The following FASN variants were observed in gnomAD, a reference collection of about 807,000 sequenced individuals.
FASN encodes 3-hydroxyacyl-[acyl-carrier-protein] dehydratase.
A neutral mutation model predicts 250.0 loss-of-function variants in FASN; 50 were observed. The ratio of observed to expected loss-of-function variants is 0.20; its 90% CI spans 0.16 to 0.25. The LOEUF is 0.25. Ranked by LOEUF, FASN falls within the 10% of genes least tolerant of loss-of-function variation. The probability of loss-of-function intolerance (pLI) is 1.00; values close to 1 mark genes in which losing one functional copy is unlikely to be tolerated. For synonymous variants in FASN, 1,909 were observed against 1,584.0 expected (o/e 1.21, Z -4.87); for missense variants, 3,031 against 3,498.5 (o/e 0.87, Z 3.37).
rs370854247 is a variant in FASN, at chr17:82,088,445, G to A, written c.2538C>T (p.Ala846=). The A allele has an allele frequency of 2.0e-5, 32 of 1,611,842 alleles. No individual in the cohort carries two copies. The highest frequency in any genetic ancestry group is 6.7e-5 in the African/African-American group (5 of 75,032). The change falls in exon 16 of 43, where the codon GCC becomes GCT. Residue 846 remains alanine (A), a synonymous_variant. Transcript: ENST00000306749. ...CTGAACCGTTGGGGAAGTCCTCGGC[G>A]GCCGGCACGTCCCAGGCCAGGCTGT... ...WDHSLAWDVP[A]AEDFPNGSGS...
rs1331283179 is a variant in FASN at position 82,085,549 on chromosome 17, G to T, written c.4055C>A (p.Pro1352His). Residue 1352 changes from proline (P) to histidine (H), a missense_variant, in exon 23 of 43, where the codon CCC (proline) becomes CAC (histidine). Pro to His is a moderately conservative substitution (Grantham distance 77). Transcript: ENST00000306749. Reference sequence around the variant, plus strand: ...GAGGAAGGCCACGATGTCCCCGAGGGGGTGCCCCCGGAGCAGTGTGTGCAG... The same window carrying T: ...GAGGAAGGCCACGATGTCCCCGAGGTGGTGCCCCCGGAGCAGTGTGTGCAG... ...LLLHTLLRGH[P>H]LGDIVAFLTS... is the part of the protein sequence containing the mutation. 2 of 1,595,034 alleles carry T rather than the reference G, an allele frequency of 1.3e-6. No individual in the cohort carries two copies.
chr17:82,085,553 GC>G lies in FASN; in HGVS notation c.4050del (p.His1351ThrfsTer22). On this transcript the variant is annotated frameshift_variant, in exon 23 of 43. Transcript: ENST00000306749. LOFTEE classifies it high-confidence loss of function. ...AAGGCCACGATGTCCCCGAGGGGGTGCCCCCGGAGCAGTGTGTGCAGGAGCA... is the reference window on the plus strand; with the variant it reads ...AAGGCCACGATGTCCCCGAGGGGGTGCCCCGGAGCAGTGTGTGCAGGAGCA... ...GFLLLHTLLRGHPLGDIVAFL... is the reference protein window; with the variant it reads ...GFLLLHTLLRXHPLGDIVAFL... 1.9e-6 allele frequency: 3 copies of G among 1,594,924 alleles called. No individual in the cohort carries two copies. Among genetic ancestry groups the G allele is most frequent in the African/African-American group, 1.3e-5 (1 of 74,690 alleles).
At chr17:82,097,548 G>A (rs2034325784) in intron 1 of FASN, 1 of 152,290 alleles carries the variant, frequency 6.6e-6, no homozygotes, top group Non-Finnish European at 1.5e-5. Context: ...CGCACGCTGG[G>A]TCCTCGCCGC....
chr17:82,090,696 G>A lies in FASN; in HGVS notation c.1681-132C>T, dbSNP rs541930768. 11 of 1,040,348 alleles carry A rather than the reference G, an allele frequency of 1.1e-5. No homozygotes were observed. The East Asian group carries it at 2.3e-4, about 22-fold the overall frequency. The allele number at this position is 1,040,348 out of a possible 1,614,324, so 64.4% of individuals were successfully genotyped here. The stretch of plus-strand genomic sequence containing the variant: ...TCCCAGGTCTCCTGATAGGAAAGAA[G>A]CCCCTATGGCCCCCACACAGCCCCA... On this transcript the variant is annotated intron_variant, in intron 10 of 42. Coordinates refer to ENST00000306749, the MANE Select transcript of FASN (RefSeq NM_004104.5).
In FASN at chr17:82,079,251, G is replaced by T; in HGVS notation, c.7428C>A (p.Val2476=). The T allele has an allele frequency of 6.2e-7, 1 of 1,613,034 alleles. No individual in the cohort carries two copies. The highest frequency in any genetic ancestry group is 8.5e-7 in the Non-Finnish European group (1 of 1,179,970). The change falls in exon 43 of 43, where the codon GTC becomes GTA. Residue 2476 remains valine, a synonymous_variant. Transcript: ENST00000306749. ...GCAGCGTGCGGTGGTCACCCTCGAT[G>T]ACGTGGACGGATACTTTCCCGTCGC... ...QVCDGKVSVH[V]IEGDHRTLLE... is the part of the protein sequence containing the mutation.
chr17:82,079,910 G>A (rs566355283), intron 41 of FASN: 28 of 631,902 alleles, frequency 4.4e-5, no homozygotes, highest in South Asian at 4.2e-4. Context: ...GTTTCTCCAC[G>A]TTGGTCAGGC....
rs76966965 is a variant in FASN, at chr17:82,081,851, G to A, written c.6164-8C>T. The A allele has an allele frequency of 2.5e-6, 4 of 1,599,088 alleles. No homozygotes were observed. The highest frequency in any genetic ancestry group is 2.7e-5 in the African/African-American group (2 of 74,348). On this transcript the variant is annotated splice_region_variant and splice_polypyrimidine_tract_variant and intron_variant, in intron 36 of 42. Coordinates refer to ENST00000306749, the MANE Select transcript of FASN (RefSeq NM_004104.5). ...CCCACTGCACGGCCAGGCCTGTGGG[G>A]GAGGGGGCAGGTGGGCAGAGCTGCG... is the stretch of plus-strand genomic sequence containing the variant.
rs769625774 is a variant in FASN, at chr17:82,088,509, C to T, written c.2474G>A (p.Arg825Gln). The change falls in exon 16 of 43, where the codon CGA (arginine) becomes CAA (glutamine). Residue 825 changes from arginine to glutamine, a missense_variant. Coordinates refer to ENST00000306749, the MANE Select transcript of FASN (RefSeq NM_004104.5). ...LFPPVEFPAP[R>Q]GTPLISPLIK... Reference sequence around the variant, plus strand: ...GAGTGGGGAGATGAGGGGAGTTCCTCGGGGAGCTGGGAACTCCACAGGTGG... The same window carrying T: ...GAGTGGGGAGATGAGGGGAGTTCCTTGGGGAGCTGGGAACTCCACAGGTGG... The T allele has an allele frequency of 3.1e-6, 5 of 1,608,106 alleles. No homozygotes were observed. The highest frequency in any genetic ancestry group is 1.3e-5 in the African/African-American group (1 of 74,798).
At position 82,092,700 on chromosome 17, in the gene FASN, G is replaced by A. The variant is rs1351573118; in HGVS notation, c.891C>T (p.Thr297=). The A allele has an allele frequency of 6.3e-7, 1 of 1,585,174 alleles. No homozygotes were observed. The highest frequency in any genetic ancestry group is 1.7e-5 in the Admixed American group (1 of 57,902). Residue 297 remains threonine (T), a synonymous_variant, in exon 7 of 43, where the codon ACC becomes ACT. Coordinates refer to ENST00000306749, the MANE Select transcript of FASN (RefSeq NM_004104.5). ...FEYIEAHGTG[T]KVGDPQELNG... ...GGGCGGGGGGGGGGGGCATCACCTT[G>A]GTGCCTGTGCCGTGGGCTTCGATGT...
intron 11 of FASN, 152 bp from the exon 12 acceptor site, chr17:82,089,878 G>A (rs1466923206): frequency 4.1e-6 from 3 of 734,512 alleles, no homozygotes; most frequent in Non-Finnish European, 7.0e-6. Flanking sequence ...GCCCCCTGCT[G>A]TGTTTGACCC....
Position 82,080,399 on chromosome 17 carries a change from A to G in FASN, c.7018T>C (p.Ser2340Pro). 1 of 1,603,020 alleles carries G rather than the reference A, an allele frequency of 6.2e-7. No individual in the cohort carries two copies. Residue 2340 changes from serine to proline, a missense_variant, in exon 40 of 43, where the codon TCG becomes CCG. Ser to Pro is a moderately conservative substitution (Grantham distance 74). Coordinates refer to ENST00000306749, the MANE Select transcript of FASN (RefSeq NM_004104.5). Reference protein sequence around the residue: ...THNSLFLFDGSPTYVLAYTQS... With the variant: ...THNSLFLFDGPPTYVLAYTQS... ...GTGTAGGCCAGTACGTAGGTGGGCG[A>G]GCCGTCGAACAGGAAGAGGCTGTTG...
Position 82,079,026 on chromosome 17 carries a change from C to A in FASN, c.*117G>T, listed in dbSNP as rs2033939209. On this transcript the variant is annotated 3_prime_UTR_variant, in exon 43 of 43. Transcript: ENST00000306749. ...ATCTAGCAGCCTCGGGGGGCAGTGG[C>A]ACTGGGCCGGACAGGGTCCCACCGG... 1 of 1,199,644 alleles carries A rather than the reference C, an allele frequency of 8.3e-7. No individual in the cohort carries two copies. The highest frequency in any genetic ancestry group is 1.6e-5 in the African/African-American group (1 of 63,088). 74.3% of individuals were successfully genotyped at this position (1,199,644 alleles called of 1,614,324 possible).
rs1210850990 is a variant in FASN at position 82,080,217 on chromosome 17, G to A, written c.7069C>T (p.Pro2357Ser). The A allele has an allele frequency of 1.2e-6, 2 of 1,613,152 alleles. No individual in the cohort carries two copies. The highest frequency in any genetic ancestry group is 1.7e-6 in the Non-Finnish European group (2 of 1,180,012). ...GTCTCAGCCTCAGCCTCACAGCCTG[G>A]GGTCAGCTTTGCCCGGTAGCTCTGA... ...YTQSYRAKLT[P>S]GCEAEAETEA... Residue 2357 changes from proline to serine, a missense_variant, in exon 41 of 43, where the codon CCA (proline) becomes TCA (serine). Transcript: ENST00000306749.
At position 82,089,451 on chromosome 17, in the gene FASN, G is replaced by A. The variant is rs2034163761; in HGVS notation, c.1966-67C>T. ...CCCACCTCAGGCTCGGAGAGGTAGG[G>A]CGCACCCACCTCACCCCAAGGGAAC... On this transcript the variant is annotated intron_variant, in intron 12 of 42. Coordinates refer to ENST00000306749, the MANE Select transcript of FASN (RefSeq NM_004104.5). 6.8e-6 allele frequency: 11 copies of A among 1,610,304 alleles called. No individual in the cohort carries two copies. The South Asian group carries it at 1.1e-4, about 16-fold the overall frequency.
chr17:82,085,606 A>G lies in FASN; in HGVS notation c.3998T>C (p.Val1333Ala), dbSNP rs1182436941. Residue 1333 changes from valine (V) to alanine (A), a missense_variant, in exon 23 of 43, where the codon GTG (valine) becomes GCG (alanine). Transcript: ENST00000306749. ...GDPASALSNM[V>A]AALREGGFLL... The stretch of plus-strand genomic sequence containing the variant: ...AAAGCCCCCTTCTCTCAGGGCAGCC[A>G]CCATGTTGCTGAGAGCTGAGGCCGG... 1 of 1,599,624 alleles carries G rather than the reference A, an allele frequency of 6.3e-7. No individual in the cohort carries two copies. The highest frequency in any genetic ancestry group is 1.3e-5 in the African/African-American group (1 of 74,596).
chr17:82,079,311 C>G, intron 42 of FASN, 31 bp from the exon 43 acceptor site: 1 of 1,613,042 alleles, frequency 6.2e-7, no homozygotes, highest in Non-Finnish European at 8.5e-7. Flanking sequence ...TGCCGTCCCA[C>G]CCCACTCCTG....
In FASN at chr17:82,091,206, C is replaced by A; in HGVS notation, c.1492+16G>T. ...CCCAGGGAAGGGACCACCTTGGGGG[C>A]AGAGTGTGGGCTCACCAGAGCAGAT... On this transcript the variant is annotated intron_variant, in intron 9 of 42. Coordinates refer to ENST00000306749, the MANE Select transcript of FASN (RefSeq NM_004104.5). 1 of 1,600,810 alleles carries A rather than the reference C, an allele frequency of 6.2e-7. No individual in the cohort carries two copies. The highest frequency in any genetic ancestry group is 8.5e-7 in the Non-Finnish European group (1 of 1,176,930).
At chr17:82,093,846 G>A in intron 3 of FASN, 75 bp from the exon 4 acceptor site, 1 of 1,444,350 alleles carries the variant, frequency 6.9e-7, no homozygotes, top group Non-Finnish European at 9.2e-7. Flanking sequence ...CCCGGCTCTG[G>A]GGCGAAGGTC....
In FASN at chr17:82,089,051, C is replaced by A; in HGVS notation, c.2222G>T (p.Ser741Ile). The part of the protein sequence containing the change: ...SAEYNVNNLV[S>I]PVLFQEALWH... ...CAGGGCCTCCTGGAACAGCACAGGGCTCACCAGGTTGTTGACATTGTACTC... is the reference window on the plus strand; with the variant it reads ...CAGGGCCTCCTGGAACAGCACAGGGATCACCAGGTTGTTGACATTGTACTC... The change falls in exon 14 of 43, where the codon AGC (serine) becomes ATC (isoleucine). Residue 741 changes from serine to isoleucine, a missense_variant. Physicochemically the swap from Ser to Ile is moderately radical, Grantham distance 142. Coordinates refer to ENST00000306749, the MANE Select transcript of FASN (RefSeq NM_004104.5). 1 of 1,602,646 alleles carries A rather than the reference C, an allele frequency of 6.2e-7. No individual in the cohort carries two copies. Among genetic ancestry groups the A allele is most frequent in the African/African-American group, 1.3e-5 (1 of 74,622 alleles).
Sources: allele counts gnomAD v4.1 joint callset, GRCh38; gene constraint gnomAD v4.1.1; transcripts MANE v1.5; gene names NCBI Gene and HGNC (gene_info 2026-07-23, HGNC 2026-07-21).